The following PNPLA7 variants were observed in gnomAD, a reference collection of about 807,000 sequenced individuals.
PNPLA7 encodes patatin-like phospholipase domain-containing protein 7.
PNPLA7 carries 153 observed loss-of-function variants against 161.7 expected under a neutral mutation model. That is an observed-to-expected ratio of 0.95 (90% CI 0.83 to 1.08). PNPLA7 has a LOEUF of 1.08. PNPLA7 is among the 50% of genes least tolerant of loss of function. The pLI is 0.00. For missense variants in PNPLA7, 1,739 were observed against 1,856.6 expected, an observed-to-expected ratio of 0.94 and a Z score of 1.16; for synonymous variants, 809 against 782.1, an observed-to-expected ratio of 1.03 and a Z score of -0.57.
intron 12 of PNPLA7, among the ~76,000 whole-genome samples, chr9:137,507,609 C>T (rs559866521): frequency 2.0e-5 from 3 of 152,246 alleles, no homozygotes; most frequent in South Asian, 4.2e-4. Flanking sequence ...GCAGAGGTTG[C>T]GGTGAGCTGA....
At chr9:137,465,692 C>T (rs1310732612) in intron 26 of PNPLA7, among the ~76,000 whole-genome samples, 12 of 152,188 alleles carry the variant, frequency 7.9e-5, no homozygotes, top group African/African-American at 1.2e-4. Context: ...GTGGCAGCCC[C>T]GGGCCACGTG....
At chr9:137,488,159 C>A (rs1055319116) in intron 20 of PNPLA7, among the ~76,000 whole-genome samples, 1 of 152,168 alleles carries the variant, frequency 6.6e-6, no homozygotes, top group Non-Finnish European at 1.5e-5. Context: ...TGTCTCGTCC[C>A]GAGCTTCACT....
At chr9:137,517,422 C>T (rs1317617713) in intron 11 of PNPLA7, among the ~76,000 whole-genome samples, 3 of 50,684 alleles carry the variant, frequency 5.9e-5, no homozygotes, top group Non-Finnish European at 1.1e-4. Flanking sequence ...TCACTCACTC[C>T]ACTCTGTCCA....
intron 33 of PNPLA7, chr9:137,461,232 C>T (rs1831177786): frequency 2.5e-6 from 1 of 400,770 alleles, no homozygotes; most frequent in African/African-American, 2.0e-5. Context: ...GCCTTCATTC[C>T]CATTTCCCAC....
Position 137,461,974 on chromosome 9 carries a change from ATCT to A in PNPLA7, c.3710_3712del (p.Lys1237del), listed in dbSNP as rs1564276519. On this transcript the variant is annotated inframe_deletion, in exon 32 of 35. Transcript: ENST00000406427. ...GCTCGGCCCCTGCTGGTCGCGGAGC[ATCT>A]TCTCCAGCACGCCGCTGCGGCCCCA... The A allele has an allele frequency of 5.0e-6, 8 of 1,599,638 alleles. No homozygotes were observed. The highest frequency in any genetic ancestry group is 1.1e-5 in the South Asian group (1 of 89,090).
In PNPLA7 at chr9:137,468,205, C is replaced by T. The variant is rs73669106; in HGVS notation, c.2883-732G>A. 0.012 allele frequency among the ~76,000 whole-genome samples: 1,812 copies of T among 152,072 alleles called. 39 individuals carry two copies. The highest frequency in any genetic ancestry group is 0.039 in the African/African-American group (1,617 of 41,494). ...CACCCCCGAGACCAGGGGGCACCCC[C>T]GAGACCAGGCAGCCGGCACCCAGGG... On this transcript the variant is annotated intron_variant, in intron 25 of 34. Coordinates refer to ENST00000406427, the MANE Select transcript of PNPLA7 (RefSeq NM_001098537.3). This position sits in a 1 kb window ranked among gnomAD's most constrained non-coding sequence, Gnocchi z 4.0.
Position 137,500,409 on chromosome 9 carries a change from C to T in PNPLA7, c.1757+282G>A, listed in dbSNP as rs955386967. On this transcript the variant is annotated intron_variant, in intron 16 of 34. Transcript: ENST00000406427. This position sits in a 1 kb window ranked among gnomAD's most constrained non-coding sequence, Gnocchi z 5.5. ...AGAACTGACCAGTGATAAATGGACA[C>T]GGCTGAGACCAGACCACAGACCAGT... is the stretch of plus-strand genomic sequence containing the variant. 1.3e-5 allele frequency among the ~76,000 whole-genome samples: 2 copies of T among 152,212 alleles called. No individual in the cohort carries two copies. The highest frequency in any genetic ancestry group is 6.5e-5 in the Admixed American group (1 of 15,292).
chr9:137,538,983 T>C (rs952581487), intron 8 of PNPLA7, among the ~76,000 whole-genome samples: 8 of 152,134 alleles, frequency 5.3e-5, no homozygotes, highest in Admixed American at 4.6e-4. Context: ...ACCTGGAAGA[T>C]AGTGGCTGCA....
In PNPLA7 at chr9:137,537,673, G is replaced by A. The variant is rs1376678739; in HGVS notation, c.747+2969C>T. Reference sequence around the variant, plus strand: ...AGGGAAGATCCATTCCCACCCCTAAGGGAGAGGGGCTGTGACACCAACGCG... The same window carrying A: ...AGGGAAGATCCATTCCCACCCCTAAAGGAGAGGGGCTGTGACACCAACGCG... On this transcript the variant is annotated intron_variant, in intron 8 of 34. Coordinates refer to ENST00000406427, the MANE Select transcript of PNPLA7 (RefSeq NM_001098537.3). This position sits in a 1 kb window ranked among gnomAD's most constrained non-coding sequence, Gnocchi z 4.5. Among the ~76,000 whole-genome samples the A allele has an allele frequency of 6.6e-6, 1 of 152,134 alleles. No homozygotes were observed. The highest frequency in any genetic ancestry group is 1.5e-5 in the Non-Finnish European group (1 of 68,034).
At position 137,543,513 on chromosome 9, in the gene PNPLA7, A is replaced by T. The variant is rs1836327016; in HGVS notation, c.425T>A (p.Leu142Gln). ...ALQPKEPPPS[L>Q]LEADLTEFDV... Reference sequence around the variant, plus strand: ...AAACTCCGTGAGGTCGGCCTCCAGCAGGGAGGGCGGGGGCTCCTTGGGCTG... The same window carrying T: ...AAACTCCGTGAGGTCGGCCTCCAGCTGGGAGGGCGGGGGCTCCTTGGGCTG... The change falls in exon 6 of 35, where the codon CTG (leucine) becomes CAG (glutamine). Residue 142 changes from leucine to glutamine, a missense_variant. Physicochemically the swap from Leu to Gln is moderately radical, Grantham distance 113. Transcript: ENST00000406427. This position sits in a 1 kb window ranked among gnomAD's most constrained non-coding sequence, Gnocchi z 6.9. The T allele has an allele frequency of 6.2e-7, 1 of 1,614,054 alleles. No homozygotes were observed. The highest frequency in any genetic ancestry group is 8.5e-7 in the Non-Finnish European group (1 of 1,180,016).
chr9:137,465,275 G>A (rs964407466), intron 26 of PNPLA7, among the ~76,000 whole-genome samples: 1 of 152,132 alleles, frequency 6.6e-6, no homozygotes, highest in Non-Finnish European at 1.5e-5. Flanking sequence ...CAGACCACAC[G>A]CCCACTGTCC....
At position 137,506,021 on chromosome 9, in the gene PNPLA7, G is replaced by T; in HGVS notation, c.1288C>A (p.His430Asn). 4 of 1,613,000 alleles carry T rather than the reference G, an allele frequency of 2.5e-6. No homozygotes were observed. Among genetic ancestry groups the T allele is most frequent in the Non-Finnish European group, 3.4e-6 (4 of 1,179,780 alleles). The stretch of plus-strand genomic sequence containing the variant: ...GAGCTCCCGGGGTGCTCGTCCGAGT[G>T]CAGGAAGACCCTGGCACGGTCACAT... The part of the protein sequence containing the change: ...MACDRARVFL[H>N]SDEHPGSSVA... The change falls in exon 13 of 35, where the codon CAC becomes AAC. Residue 430 changes from histidine to asparagine, a missense_variant. This residue lies in a region of PNPLA7 where 481 missense variants were observed against 450.0 expected (regional missense o/e 1.07). Transcript: ENST00000406427.
chr9:137,479,294 G>A, intron 23 of PNPLA7, 56 bp from the exon 24 acceptor site: 5 of 1,453,002 alleles, frequency 3.4e-6, no homozygotes, highest in Non-Finnish European at 3.6e-6. Flanking sequence ...CTCGGGACAG[G>A]ACGGAGCTGA....
At chr9:137,492,399 C>T (rs1832807011) in intron 20 of PNPLA7, 2 of 912,982 alleles carry the variant, frequency 2.2e-6, no homozygotes, top group Middle Eastern at 5.5e-4. Context: ...TCCAGTGCTG[C>T]CCACATTGAG....
chr9:137,541,482 C>G lies in PNPLA7; in HGVS notation c.667-760G>C, dbSNP rs1255595560. The G allele has an allele frequency of 1.0e-6, 1 of 985,366 alleles. No individual in the cohort carries two copies. Among genetic ancestry groups the G allele is most frequent in the African/African-American group, 1.7e-5 (1 of 57,264 alleles). 61.0% of individuals were successfully genotyped at this position (985,366 alleles called of 1,614,324 possible). ...GAAACCCCGACAGGCAGTGCCGGAG[C>G]TGGCGTGGGATCACAGCCCACTCCC... On this transcript the variant is annotated intron_variant, in intron 7 of 34. Transcript: ENST00000406427. This position sits in a 1 kb window ranked among gnomAD's most constrained non-coding sequence, Gnocchi z 4.4.
chr9:137,519,133 C>T (rs867245301), intron 11 of PNPLA7, among the ~76,000 whole-genome samples: 5 of 152,376 alleles, frequency 3.3e-5, no homozygotes, highest in Middle Eastern at 3.4e-3. Context: ...TCCTCACTCT[C>T]ATCAGCATTG....
At position 137,495,107 on chromosome 9, in the gene PNPLA7, G is replaced by C. The variant is rs1159230513; in HGVS notation, c.2053C>G (p.His685Asp). 1 of 1,607,956 alleles carries C rather than the reference G, an allele frequency of 6.2e-7. No individual in the cohort carries two copies. The highest frequency in any genetic ancestry group is 8.5e-7 in the Non-Finnish European group (1 of 1,179,246). ...GCCAATTCTGAGTCCCGAACGGCATGCACCGTGGTCGCCCGGGCCTGGTGG... is the reference window on the plus strand; with the variant it reads ...GCCAATTCTGAGTCCCGAACGGCATCCACCGTGGTCGCCCGGGCCTGGTGG... ...LTHQARATTVHAVRDSELAKL... is the reference protein window; with the variant it reads ...LTHQARATTVDAVRDSELAKL... Residue 685 changes from histidine (H) to aspartate (D), a missense_variant, in exon 19 of 35, where the codon CAT becomes GAT. Coordinates refer to ENST00000406427, the MANE Select transcript of PNPLA7 (RefSeq NM_001098537.3).
intron 19 of PNPLA7, among the ~76,000 whole-genome samples, chr9:137,494,492 A>G (rs1588595667): frequency 6.6e-6 from 1 of 152,076 alleles, no homozygotes; most frequent in East Asian, 1.9e-4. Flanking sequence ...TGATCACCAC[A>G]ACTCAGGGCA....
chr9:137,484,597 G>A lies in PNPLA7; in HGVS notation c.2337C>T (p.Leu779=), dbSNP rs553214318. 2 of 1,608,342 alleles carry A rather than the reference G, an allele frequency of 1.2e-6. No individual in the cohort carries two copies. The highest frequency in any genetic ancestry group is 1.7e-5 in the Admixed American group (1 of 59,766). Residue 779 remains leucine (L), a synonymous_variant, in exon 21 of 35, where the codon CTC becomes CTT. Transcript: ENST00000406427. ...GAGGCTCAGGCTTACCGATGGCGCT[G>A]AGGGCATGCTCCAGCTCCAGGGCGA... ...TAFALELEHA[L]SAIGPTLLLT...
Sources: gnomAD v4.1 joint callset for allele counts (sites outside exome capture counted in the v4.1 genomes callset) on GRCh38, gnomAD v4.1.1 for gene constraint, gnomAD v4.1.1 regional missense constraint, Gnocchi (gnomAD v3.1) non-coding constraint, MANE v1.5 for transcripts, NCBI Gene and HGNC (gene_info 2026-07-23, HGNC 2026-07-21) for gene names.